Variants in CDKAL1 observed in about 807,000 individuals in gnomAD.
CDKAL1 encodes the protein CDKAL1 threonylcarbamoyladenosine tRNA methylthiotransferase, also known as threonylcarbamoyladenosine tRNA methylthiotransferase.
Under a neutral mutation model 68.2 loss-of-function variants are expected in CDKAL1, and 32 were observed. The observed-to-expected ratio is 0.47, with a 90% confidence interval of 0.35 to 0.63. CDKAL1 has a LOEUF of 0.63. CDKAL1 is among the 30% of genes least tolerant of loss of function. CDKAL1 has a pLI of 0.00. For missense variants in CDKAL1, 606 were observed against 696.7 expected, an observed-to-expected ratio of 0.87 and a Z score of 1.47; for synonymous variants, 234 against 244.3, an observed-to-expected ratio of 0.96 and a Z score of 0.39.
At chr6:21,077,552 A>G (rs1248685324) in intron 12 of CDKAL1, among the ~76,000 whole-genome samples, 2 of 152,242 alleles carry the variant, frequency 1.3e-5, no homozygotes, top group African/African-American at 4.8e-5. Flanking sequence ...GCTTCAGGAA[A>G]CTTATAATCA....
At chr6:20,757,567 C>T (rs1561751546) in intron 6 of CDKAL1, among the ~76,000 whole-genome samples, 1 of 152,004 alleles carries the variant, frequency 6.6e-6, no homozygotes, top group Non-Finnish European at 1.5e-5. Flanking sequence ...CACACACACA[C>T]ACACCCTCTA....
At chr6:20,939,601 GC>G (rs1184153196) in intron 9 of CDKAL1, among the ~76,000 whole-genome samples, 7 of 152,228 alleles carry the variant, frequency 4.6e-5, no homozygotes, top group Admixed American at 2.6e-4. Flanking sequence ...CTAAGCTTGG[GC>G]CAGTGCAATT....
At chr6:20,882,354 A>G (rs1225867329) in intron 9 of CDKAL1, among the ~76,000 whole-genome samples, 1 of 152,138 alleles carries the variant, frequency 6.6e-6, no homozygotes, top group Non-Finnish European at 1.5e-5. Context: ...CCCACTCTTT[A>G]TCAAACCTAG....
intron 11 of CDKAL1, among the ~76,000 whole-genome samples, chr6:21,005,857 A>C (rs965370530): frequency 6.6e-6 from 1 of 152,204 alleles, no homozygotes; most frequent in Non-Finnish European, 1.5e-5. Flanking sequence ...ATGAGCACTC[A>C]TGGGTAAAGG....
At chr6:21,177,366 A>C (rs898764240) in intron 13 of CDKAL1, among the ~76,000 whole-genome samples, 2 of 152,164 alleles carry the variant, frequency 1.3e-5, no homozygotes, top group Non-Finnish European at 2.9e-5. Flanking sequence ...GCCCTTACAC[A>C]TACACACTTA....
chr6:20,984,103 A>G (rs1253204012), intron 10 of CDKAL1, among the ~76,000 whole-genome samples: 1 of 152,238 alleles, frequency 6.6e-6, no homozygotes, highest in Non-Finnish European at 1.5e-5. Flanking sequence ...AAATGAGACA[A>G]TGAATGTGAC....
At chr6:20,586,077 C>T (rs1274319712) in intron 4 of CDKAL1, among the ~76,000 whole-genome samples, 2 of 152,200 alleles carry the variant, frequency 1.3e-5, no homozygotes, top group African/African-American at 4.8e-5. Context: ...ACATCACACA[C>T]TGAGTCTATC....
chr6:20,730,495 AAAG>A (rs1286727923), intron 5 of CDKAL1, among the ~76,000 whole-genome samples: 2 of 110,978 alleles, frequency 1.8e-5, no homozygotes, highest in African/African-American at 3.0e-5. Context: ...AAGAAAAAGA[AAAG>A]AAAGAAAGAA....
chr6:20,538,437 T>C (rs1763262922), intron 2 of CDKAL1, among the ~76,000 whole-genome samples: 2 of 152,206 alleles, frequency 1.3e-5, no homozygotes. Flanking sequence ...TCTATCAATG[T>C]ACAAATCCTT....
At chr6:20,942,226 A>T (rs538436125) in intron 9 of CDKAL1, among the ~76,000 whole-genome samples, 1 of 152,290 alleles carries the variant, frequency 6.6e-6, no homozygotes, top group East Asian at 1.9e-4. Context: ...ATAATATTTT[A>T]CTACATCATT....
intron 13 of CDKAL1, among the ~76,000 whole-genome samples, chr6:21,152,216 A>G (rs1776443886): frequency 6.6e-6 from 1 of 152,154 alleles, no homozygotes; most frequent in East Asian, 1.9e-4. Flanking sequence ...CTAAACTCTC[A>G]ATCAGATCCC....
intron 4 of CDKAL1, among the ~76,000 whole-genome samples, chr6:20,626,364 A>G (rs1755810932): frequency 6.6e-6 from 1 of 152,292 alleles, no homozygotes; most frequent in South Asian, 2.1e-4. Flanking sequence ...CCCAGCACAT[A>G]GTAGGTACTC....
intron 10 of CDKAL1, among the ~76,000 whole-genome samples, chr6:20,998,979 C>T (rs1361592782): frequency 2.6e-5 from 4 of 151,342 alleles, no homozygotes; most frequent in Non-Finnish European, 5.9e-5. Context: ...CATGGTTGAT[C>T]CGTATGCATG....
intron 9 of CDKAL1, among the ~76,000 whole-genome samples, chr6:20,904,377 A>C (rs1044842015): frequency 6.6e-6 from 1 of 152,146 alleles, no homozygotes; most frequent in Non-Finnish European, 1.5e-5. Context: ...CTCATAAAGA[A>C]AAAAAAGATT....
intron 15 of CDKAL1, among the ~76,000 whole-genome samples, chr6:21,221,521 C>G (rs1282418156): frequency 6.6e-6 from 1 of 152,138 alleles, no homozygotes; most frequent in Non-Finnish European, 1.5e-5. Flanking sequence ...AGCCACCATG[C>G]CCAGCCAATT....
At chr6:20,578,217 C>A (rs949845360) in intron 4 of CDKAL1, among the ~76,000 whole-genome samples, 1 of 152,110 alleles carries the variant, frequency 6.6e-6, no homozygotes, top group Admixed American at 6.5e-5. Flanking sequence ...ATGCATAGAT[C>A]TTAAGCATTC....
intron 12 of CDKAL1, among the ~76,000 whole-genome samples, chr6:21,100,327 C>G (rs1562030914): frequency 6.6e-6 from 1 of 152,210 alleles, no homozygotes; most frequent in Non-Finnish European, 1.5e-5. Flanking sequence ...TTTCTAACTT[C>G]CACTCTTAGA....
chr6:20,856,720 T>G (rs1285034132), intron 9 of CDKAL1, among the ~76,000 whole-genome samples: 1 of 152,218 alleles, frequency 6.6e-6, no homozygotes, highest in African/African-American at 2.4e-5. Context: ...GAGGCTGATC[T>G]GTCTCTGGGA....
At chr6:20,798,533 A>T (rs1561786734) in intron 8 of CDKAL1, among the ~76,000 whole-genome samples, 1 of 152,146 alleles carries the variant, frequency 6.6e-6, no homozygotes, top group Non-Finnish European at 1.5e-5. Flanking sequence ...TCAATGATAG[A>T]CTGGTTTAAG....
Sources: gnomAD v4.1 joint callset for allele counts (sites outside exome capture counted in the v4.1 genomes callset) on GRCh38, gnomAD v4.1.1 for gene constraint, MANE v1.5 for transcripts, NCBI Gene and HGNC (gene_info 2026-07-23, HGNC 2026-07-21) for gene names.